The following NSA2 variants were observed in gnomAD, a reference collection of about 807,000 sequenced individuals.
NSA2 encodes the protein NSA2 ribosome biogenesis factor.
NSA2 carries 18 observed loss-of-function variants against 34.8 expected under a neutral mutation model. The ratio of observed to expected loss-of-function variants is 0.52; its 90% CI spans 0.36 to 0.77. NSA2 has a LOEUF of 0.77. Ranked by LOEUF, NSA2 falls within the 30% of genes least tolerant of loss-of-function variation. The pLI is 0.00. For synonymous variants in NSA2, 79 were observed against 100.2 expected, an observed-to-expected ratio of 0.79 and a Z score of 1.26; for missense variants, 188 against 314.7, an observed-to-expected ratio of 0.60 and a Z score of 3.05.
rs1050413323 is a variant in NSA2 at position 74,769,083 on chromosome 5, A to G, written c.156A>G (p.Lys52=). The change falls in exon 2 of 6, where the codon AAA becomes AAG. Residue 52 remains lysine (K), a synonymous_variant. Coordinates refer to ENST00000610426, the MANE Select transcript of NSA2 (RefSeq NM_014886.6). ...GTCTGAAGGCTAAGCTTTACCATAA[A>G]CAGCGTCATGCTGAGAAAATACAAA... ...MIGLKAKLYH[K]QRHAEKIQMK... is the part of the protein sequence containing the mutation. 3.1e-6 allele frequency: 5 copies of G among 1,611,654 alleles called. No homozygotes were observed. The African/African-American group carries it at 6.7e-5, about 22-fold the overall frequency.
At chr5:74,776,407 G>A (rs1187916417) in intron 5 of NSA2, among the ~76,000 whole-genome samples, 197 bp from the exon 6 acceptor site, 3 of 152,338 alleles carry the variant, frequency 2.0e-5, no homozygotes, top group African/African-American at 7.2e-5. Context: ...GGAAGACTGA[G>A]TGAGGAGAAT....
Position 74,776,703 on chromosome 5 carries a change from CACACCAATTGAAGAA to C in NSA2, c.*35_*49del, listed in dbSNP as rs749273258. 161 of 1,112,142 alleles carry C rather than the reference CACACCAATTGAAGAA, an allele frequency of 1.4e-4. No individual in the cohort carries two copies. The highest frequency in any genetic ancestry group is 2.0e-4 in the Admixed American group (12 of 58,920). 68.9% of individuals were successfully genotyped at this position (1,112,142 alleles called of 1,614,324 possible). A position where few individuals can be genotyped will look rare whatever the true frequency, so the allele number is the denominator to read the frequency against. On this transcript the variant is annotated 3_prime_UTR_variant, in exon 6 of 6. Transcript: ENST00000610426. ...TTTCATATATAATTATTGAGGACTA[CACACCAATTGAAGAA>C]ACTGCCATTACTGTGATGTTTCTGA... is the stretch of plus-strand genomic sequence containing the variant.
intron 1 of NSA2, among the ~76,000 whole-genome samples, chr5:74,768,239 C>T (rs1457482071): frequency 1.3e-5 from 2 of 152,186 alleles, no homozygotes; most frequent in African/African-American, 4.8e-5. Flanking sequence ...ATCTGGTCAG[C>T]GGGTAAACAG....
chr5:74,767,819 TCTAA>T (rs1744746332), intron 1 of NSA2, among the ~76,000 whole-genome samples: 1 of 152,200 alleles, frequency 6.6e-6, no homozygotes, highest in South Asian at 2.1e-4. Flanking sequence ...ACGGCCCAGA[TCTAA>T]CTGCCAGGTC....
rs893274082 is a variant in NSA2, at chr5:74,778,670, A to C, written c.*1999A>C. 6.6e-6 allele frequency: 1 copy of C among 152,072 alleles called. No homozygotes were observed. The highest frequency in any genetic ancestry group is 2.4e-5 in the African/African-American group (1 of 41,454). 9.4% of individuals were successfully genotyped at this position (152,072 alleles called of 1,614,324 possible). ...TTTATAATAAATTCTTAAATATACT[A>C]ATTTCTGTGATGTCTAGCAATTGAA... On this transcript the variant is annotated 3_prime_UTR_variant, in exon 6 of 6. Coordinates refer to ENST00000610426, the MANE Select transcript of NSA2 (RefSeq NM_014886.6).
At chr5:74,771,153 G>A (rs550960296) in intron 4 of NSA2, among the ~76,000 whole-genome samples, 9 of 152,102 alleles carry the variant, frequency 5.9e-5, no homozygotes, top group African/African-American at 1.7e-4. Flanking sequence ...GGTGGCGGGC[G>A]CCTGTAATCC....
intron 4 of NSA2, 63 bp from the exon 5 acceptor site, chr5:74,773,805 C>A: frequency 7.7e-7 from 1 of 1,302,022 alleles, no homozygotes; most frequent in Non-Finnish European, 1.1e-6. Flanking sequence ...GCGAAAACGA[C>A]CACTACTCAT....
intron 5 of NSA2, among the ~76,000 whole-genome samples, chr5:74,775,927 C>A (rs1745100445): frequency 6.6e-6 from 1 of 152,126 alleles, no homozygotes; most frequent in African/African-American, 2.4e-5. Context: ...CAGCTGACCT[C>A]AGTTTTAAAA....
At chr5:74,772,563 A>G (rs1460549801) in intron 4 of NSA2, among the ~76,000 whole-genome samples, 3 of 152,238 alleles carry the variant, frequency 2.0e-5, no homozygotes, top group Non-Finnish European at 4.4e-5. Context: ...CAGAGGCCAT[A>G]TGGCCTGACA....
chr5:74,770,331 TAAAAAAA>T (rs58512296), intron 3 of NSA2, among the ~76,000 whole-genome samples: 1 of 101,538 alleles, frequency 9.8e-6, no homozygotes, highest in African/African-American at 3.5e-5. Flanking sequence ...AGACTCCATC[TAAAAAAA>T]AAAAAAAAAA....
rs1745253382 is a variant in NSA2, at chr5:74,778,765, T to A, written c.*2094T>A. On this transcript the variant is annotated 3_prime_UTR_variant, in exon 6 of 6. Coordinates refer to ENST00000610426, the MANE Select transcript of NSA2 (RefSeq NM_014886.6). ...TATATTACACAAGGAAATATACACGTATGTACATAAAAAGTGAACTCCCTT... is the reference window on the plus strand; with the variant it reads ...TATATTACACAAGGAAATATACACGAATGTACATAAAAAGTGAACTCCCTT... 6.6e-6 allele frequency: 1 copy of A among 152,074 alleles called. No homozygotes were observed. The highest frequency in any genetic ancestry group is 2.4e-5 in the African/African-American group (1 of 41,458). 9.4% of individuals were successfully genotyped at this position (152,074 alleles called of 1,614,324 possible).
rs1347197242 is a variant in NSA2, at chr5:74,769,128, C to T, written c.191+10C>T. The T allele has an allele frequency of 6.2e-7, 1 of 1,600,234 alleles. No homozygotes were observed. The highest frequency in any genetic ancestry group is 1.4e-5 in the African/African-American group (1 of 73,846). On this transcript the variant is annotated intron_variant, in intron 2 of 5. Coordinates refer to ENST00000610426, the MANE Select transcript of NSA2 (RefSeq NM_014886.6). Reference sequence around the variant, plus strand: ...TACAAATGAAAAAGACGTAAGTGGTCTCATTTATTTGTCATAACAAGTTAA... The same window carrying T: ...TACAAATGAAAAAGACGTAAGTGGTTTCATTTATTTGTCATAACAAGTTAA...
Position 74,776,825 on chromosome 5 carries a change from G to GTCTT in NSA2, c.*156_*159dup. 2.0e-6 allele frequency: 1 copy of GTCTT among 488,254 alleles called. No homozygotes were observed. Among genetic ancestry groups the GTCTT allele is most frequent in the East Asian group, 3.3e-5 (1 of 30,360 alleles). The allele number at this position is 488,254 out of a possible 1,614,324, so 30.2% of individuals were successfully genotyped here. A position where few individuals can be genotyped will look rare whatever the true frequency, so the allele number is the denominator to read the frequency against. On this transcript the variant is annotated 3_prime_UTR_variant, in exon 6 of 6. Coordinates refer to ENST00000610426, the MANE Select transcript of NSA2 (RefSeq NM_014886.6). ...TTAAAGTGGTCCAGTTTTATAAATG[G>GTCTT]TCTTTATTTTGAAATACGCTTTGAC...
chr5:74,776,525 CA>C (rs1745130562), intron 5 of NSA2, 78 bp from the exon 6 acceptor site: 2 of 782,222 alleles, frequency 2.6e-6, no homozygotes, highest in East Asian at 5.2e-5. Context: ...AAAAAAAAGG[CA>C]AAAGTTATAT....
intron 1 of NSA2, among the ~76,000 whole-genome samples, chr5:74,768,455 T>C (rs1295112816): frequency 6.6e-6 from 1 of 152,126 alleles, no homozygotes; most frequent in Non-Finnish European, 1.5e-5. Flanking sequence ...ACTTAAAAGT[T>C]ACATAGGGAA....
At chr5:74,767,414 G>C (rs192026955) in intron 1 of NSA2, 51 bp downstream of exon 1, 362 of 1,607,472 alleles carry the variant, frequency 2.3e-4, no homozygotes, top group Non-Finnish European at 2.8e-4. Context: ...GAGTTAGTGG[G>C]ACCTGAGGAC....
At chr5:74,769,526 T>A in intron 3 of NSA2, 162 bp downstream of exon 3, 1 of 545,618 alleles carries the variant, frequency 1.8e-6, no homozygotes, top group South Asian at 4.7e-5. Context: ...ACTTGCTTTC[T>A]CATCATAAGG....
chr5:74,774,157 T>A, intron 5 of NSA2, 97 bp downstream of exon 5: 1 of 774,698 alleles, frequency 1.3e-6, no homozygotes, highest in Non-Finnish European at 2.1e-6. Flanking sequence ...GCAAATTTTT[T>A]TAATGCAGTA....
rs1159427029 is a variant in NSA2 at position 74,776,990 on chromosome 5, G to GTTAA, written c.*321_*324dup. The GTTAA allele has an allele frequency of 5.1e-6, 1 of 194,892 alleles. No individual in the cohort carries two copies. The highest frequency in any genetic ancestry group is 2.3e-5 in the African/African-American group (1 of 42,676). 12.1% of individuals were successfully genotyped at this position (194,892 alleles called of 1,614,324 possible). On this transcript the variant is annotated 3_prime_UTR_variant, in exon 6 of 6. Transcript: ENST00000610426. ...TTCATTGAAAATGCCTTTCAAAAAGGTTAATACACAATTATGTGTCTGAGA... is the reference window on the plus strand; with the variant it reads ...TTCATTGAAAATGCCTTTCAAAAAGGTTAATTAATACACAATTATGTGTCTGAGA...
Sources: allele counts gnomAD v4.1 joint callset (sites outside exome capture counted in the v4.1 genomes callset), GRCh38; gene constraint gnomAD v4.1.1; transcripts MANE v1.5; gene names NCBI Gene and HGNC (gene_info 2026-07-23, HGNC 2026-07-21).